Variants in INO80D observed in about 807,000 individuals in gnomAD.
INO80D encodes INO80 complex subunit D.
In INO80D, 21 loss-of-function variants were observed where a neutral mutation model predicts 87.6. The ratio of observed to expected loss-of-function variants is 0.24; its 90% CI spans 0.17 to 0.35. INO80D has a LOEUF of 0.35. Among genes scored for constraint, INO80D ranks in the 10% least tolerant of loss-of-function variants. The pLI is 1.00. For synonymous variants in INO80D, 440 were observed against 491.0 expected (o/e 0.90, Z 1.37); for missense variants, 982 against 1,280.7 (o/e 0.77, Z 3.56).
intron 5 of INO80D, among the ~76,000 whole-genome samples, chr2:206,031,325 A>C (rs1688760978): frequency 6.6e-6 from 1 of 152,176 alleles, no homozygotes; most frequent in Non-Finnish European, 1.5e-5. Flanking sequence ...TTGGTGACTC[A>C]ATATGAAAGA....
rs1036126546 is a variant in INO80D at position 206,002,395 on chromosome 2, A to G, written c.*1973T>C. The G allele has an allele frequency of 6.6e-6, 1 of 152,258 alleles. No individual in the cohort carries two copies. Among genetic ancestry groups the G allele is most frequent in the African/African-American group, 2.4e-5 (1 of 41,470 alleles). The allele number at this position is 152,258 out of a possible 1,614,324, so 9.4% of individuals were successfully genotyped here. On this transcript the variant is annotated 3_prime_UTR_variant, in exon 11 of 11. Coordinates refer to ENST00000403263, the MANE Select transcript of INO80D (RefSeq NM_017759.5). ...ATAATTTTGCTTTATGACATAAGTT[A>G]TAATTTAGAAATTTTGCACTCTGCA...
chr2:206,010,062 TACACAC>T (rs144790541), intron 8 of INO80D, among the ~76,000 whole-genome samples: 3 of 149,080 alleles, frequency 2.0e-5, no homozygotes, highest in East Asian at 2.0e-4. Flanking sequence ...TGACACTGTC[TACACAC>T]ACACACACAC....
At chr2:206,036,798 G>A (rs536101894) in intron 5 of INO80D, among the ~76,000 whole-genome samples, 13 of 152,312 alleles carry the variant, frequency 8.5e-5, no homozygotes, top group African/African-American at 3.1e-4. Context: ...GACGCACTTG[G>A]ATGCTGAGGC....
At chr2:206,082,695 C>T (rs1020696339) in intron 1 of INO80D, among the ~76,000 whole-genome samples, 1 of 152,190 alleles carries the variant, frequency 6.6e-6, no homozygotes, top group Non-Finnish European at 1.5e-5. Flanking sequence ...GAGAATATTG[C>T]TCTAACTGTA....
At chr2:206,017,152 A>G (rs1321958545) in intron 8 of INO80D, among the ~76,000 whole-genome samples, 3 of 152,326 alleles carry the variant, frequency 2.0e-5, no homozygotes, top group South Asian at 4.1e-4. Context: ...CCTGAAAACT[A>G]TAACATGTTT....
Position 205,996,506 on chromosome 2 carries a change from C to T in INO80D, c.*7862G>A, listed in dbSNP as rs570452503. The T allele has an allele frequency of 9.2e-5, 14 of 152,058 alleles. 2 individuals carry two copies. Among genetic ancestry groups the T allele is most frequent in the African/African-American group, 3.4e-4 (14 of 41,498 alleles). 9.4% of individuals were successfully genotyped at this position (152,058 alleles called of 1,614,324 possible). ...GTTCTGATGATGTACTCTAGACTGT[C>T]ACCTCCTCTGGCTTACAGAATAATC... On this transcript the variant is annotated 3_prime_UTR_variant, in exon 11 of 11. Transcript: ENST00000403263.
chr2:206,075,516 A>C (rs1022743324), intron 1 of INO80D, among the ~76,000 whole-genome samples: 65 of 151,520 alleles, frequency 4.3e-4, no homozygotes, highest in Admixed American at 3.5e-3. Context: ...GGCTCACTGC[A>C]ACCTCTGCTG....
chr2:206,026,181 G>A (rs903531437), intron 6 of INO80D, among the ~76,000 whole-genome samples: 1 of 152,072 alleles, frequency 6.6e-6, no homozygotes, highest in Non-Finnish European at 1.5e-5. Flanking sequence ...TTACAGGTGT[G>A]AGCCACTGCA....
At chr2:206,064,977 T>C (rs1689776015) in intron 1 of INO80D, among the ~76,000 whole-genome samples, 1 of 151,744 alleles carries the variant, frequency 6.6e-6, no homozygotes, top group East Asian at 1.9e-4. Flanking sequence ...GAAAAAAAAG[T>C]TGGACTAGAA....
intron 8 of INO80D, 124 bp from the exon 9 acceptor site, chr2:206,009,918 C>G (rs892656201): frequency 1.5e-6 from 1 of 686,240 alleles, no homozygotes; most frequent in Non-Finnish European, 2.4e-6. Context: ...ATGCCCAAAA[C>G]TATGTATAAC....
At chr2:206,078,086 A>C (rs1690171064) in intron 1 of INO80D, among the ~76,000 whole-genome samples, 1 of 150,460 alleles carries the variant, frequency 6.6e-6, no homozygotes, top group Non-Finnish European at 1.5e-5. Context: ...AAAAAAAAAA[A>C]AAGGTTGACC....
intron 6 of INO80D, among the ~76,000 whole-genome samples, chr2:206,022,191 C>T (rs1162865210): frequency 6.6e-6 from 1 of 151,178 alleles, no homozygotes; most frequent in Non-Finnish European, 1.5e-5. Context: ...CAGTGAAACC[C>T]CGTCTCTACT....
chr2:205,998,566 T>C lies in INO80D; in HGVS notation c.*5802A>G, dbSNP rs1287019290. 6.6e-6 allele frequency: 1 copy of C among 152,054 alleles called. No individual in the cohort carries two copies. The highest frequency in any genetic ancestry group is 1.5e-5 in the Non-Finnish European group (1 of 68,018). The allele number at this position is 152,054 out of a possible 1,614,324, so 9.4% of individuals were successfully genotyped here. ...AAAACTTATAATTTATGAGGTGATG[T>C]TAATAGCATAAATTAATATACCTTT... On this transcript the variant is annotated 3_prime_UTR_variant, in exon 11 of 11. Transcript: ENST00000403263.
intron 6 of INO80D, among the ~76,000 whole-genome samples, chr2:206,024,955 T>A (rs1688564250): frequency 2.0e-5 from 3 of 151,894 alleles, no homozygotes; most frequent in Admixed American, 2.0e-4. Context: ...AAGGCTTCAC[T>A]ATGTTGGCCA....
In INO80D at chr2:206,085,650, G is replaced by A. The variant is rs1334844352; in HGVS notation, c.-124+251C>T. ...CAGGCCGCTCCGCTCGCCCCACTCC[G>A]GCTCCGGCTGGACCCCTGCCCGCCC... is the stretch of plus-strand genomic sequence containing the variant. On this transcript the variant is annotated intron_variant, in intron 1 of 10. Transcript: ENST00000403263. The surrounding 1 kb of genome is among the most constrained non-coding windows in gnomAD (Gnocchi z 4.5). 4.9e-5 allele frequency: 7 copies of A among 141,910 alleles called. No homozygotes were observed. The highest frequency in any genetic ancestry group is 1.8e-4 in the African/African-American group (7 of 39,100). 8.8% of individuals were successfully genotyped at this position (141,910 alleles called of 1,614,324 possible).
At chr2:206,017,853 C>CT (rs943079537) in intron 7 of INO80D, 40 bp from the exon 8 acceptor site, 3 of 1,556,258 alleles carry the variant, frequency 1.9e-6, no homozygotes, top group Non-Finnish European at 2.6e-6. Flanking sequence ...CACTGAAACT[C>CT]TAATTTTTCA....
intron 8 of INO80D, among the ~76,000 whole-genome samples, chr2:206,011,304 A>G (rs17236948): frequency 0.079 from 12,055 of 152,174 alleles, 678 homozygotes; most frequent in Non-Finnish European, 0.11. Context: ...AATAAGTCCT[A>G]TCTGTAAGGC....
chr2:206,060,204 C>CA (rs1364503543), intron 3 of INO80D, among the ~76,000 whole-genome samples: 2 of 150,800 alleles, frequency 1.3e-5, no homozygotes, highest in Non-Finnish European at 3.0e-5. Flanking sequence ...GACCCCATCT[C>CA]AAAGAAAAAA....
chr2:206,006,817 C>T (rs949606630), intron 10 of INO80D, among the ~76,000 whole-genome samples: 6 of 152,066 alleles, frequency 3.9e-5, no homozygotes, highest in Admixed American at 1.3e-4. Context: ...GAGGCCAAGG[C>T]GGGTGGATCA....
Sources: allele counts gnomAD v4.1 joint callset (sites outside exome capture counted in the v4.1 genomes callset), GRCh38; gene constraint gnomAD v4.1.1; non-coding constraint Gnocchi (gnomAD v3.1); transcripts MANE v1.5; gene names NCBI Gene and HGNC (gene_info 2026-07-23, HGNC 2026-07-21).